Variants in PSD2 observed in about 807,000 individuals in gnomAD.
The protein encoded by PSD2 is PH and SEC7 domain-containing protein 2.
In PSD2, 38 loss-of-function variants were observed where a neutral mutation model predicts 69.8. The observed-to-expected ratio is 0.54, with a 90% confidence interval of 0.42 to 0.71. The LOEUF is 0.71. Among genes scored for constraint, PSD2 ranks in the 30% least tolerant of loss-of-function variants. The pLI is 0.00. For missense variants in PSD2, 943 were observed against 1,014.5 expected (o/e 0.93, Z 0.96); for synonymous variants, 412 against 423.0 (o/e 0.97, Z 0.32).
intron 7 of PSD2, among the ~76,000 whole-genome samples, chr5:139,828,522 C>A (rs1760487314): frequency 6.6e-6 from 1 of 152,104 alleles, no homozygotes; most frequent in Non-Finnish European, 1.5e-5. Flanking sequence ...GGTGACAGAG[C>A]CTCACACAAT....
At position 139,814,238 on chromosome 5, in the gene PSD2, C is replaced by A; in HGVS notation, c.890C>A (p.Pro297His). 1 of 1,613,894 alleles carries A rather than the reference C, an allele frequency of 6.2e-7. No individual in the cohort carries two copies. The highest frequency in any genetic ancestry group is 8.5e-7 in the Non-Finnish European group (1 of 1,179,892). ...SELSSSEGLE[P>H]GSADPLANGC... ...CTCAGCAGCTCGGAGGGGTTGGAGC[C>A]TGGTAGTGCAGACCCTCTGGCCAAC... The change falls in exon 4 of 15, where the codon CCT (proline) becomes CAT (histidine). Residue 297 changes from proline to histidine, a missense_variant. This residue lies in a region of PSD2 where 466 missense variants were observed against 445.0 expected (regional missense o/e 1.05). Coordinates refer to ENST00000274710, the MANE Select transcript of PSD2 (RefSeq NM_032289.4). This position sits in a 1 kb window ranked among gnomAD's most constrained non-coding sequence, Gnocchi z 4.4.
chr5:139,750,344 A>C, the PSD2 span, among the ~76,000 whole-genome samples: 2 of 151,234 alleles, frequency 1.3e-5, no homozygotes, highest in East Asian at 3.9e-4. Context: ...AAAACAAAAC[A>C]AAAAAAAACC....
At chr5:139,810,208 C>T (rs1291247524) in intron 2 of PSD2, among the ~76,000 whole-genome samples, 2 of 152,164 alleles carry the variant, frequency 1.3e-5, no homozygotes, top group Admixed American at 6.5e-5. Flanking sequence ...CCAGGAAAGC[C>T]GGCTTTAGGC....
intron 1 of PSD2, among the ~76,000 whole-genome samples, chr5:139,805,885 A>AT (rs1759792860): frequency 6.6e-6 from 1 of 151,878 alleles, no homozygotes; most frequent in Non-Finnish European, 1.5e-5. Flanking sequence ...AATCTAGGGG[A>AT]GATGGTTAGA....
Position 139,814,078 on chromosome 5 carries a change from T to A in PSD2, c.822-92T>A. The stretch of plus-strand genomic sequence containing the variant: ...TTTCCCTGTTCTGGCCCCTACATGG[T>A]TTGCAGTGGCCTGGGGAAACCTCCC... On this transcript the variant is annotated intron_variant, in intron 3 of 14. Coordinates refer to ENST00000274710, the MANE Select transcript of PSD2 (RefSeq NM_032289.4). The surrounding 1 kb of genome is among the most constrained non-coding windows in gnomAD (Gnocchi z 4.4). The A allele has an allele frequency of 8.1e-7, 1 of 1,237,914 alleles. No homozygotes were observed. The highest frequency in any genetic ancestry group is 1.3e-5 in the South Asian group (1 of 74,828). The allele number at this position is 1,237,914 out of a possible 1,614,324, so 76.7% of individuals were successfully genotyped here.
At chr5:139,767,295 C>A in the PSD2 span, among the ~76,000 whole-genome samples, 1 of 150,530 alleles carries the variant, frequency 6.6e-6, no homozygotes, top group South Asian at 2.1e-4. Context: ...ACCCAGCCAC[C>A]ATCTTTCTTT....
chr5:139,842,468 TACTTAGCTGAC>T lies in PSD2; in HGVS notation c.2312_*6del, dbSNP rs1760897472. The T allele has an allele frequency of 6.2e-7, 1 of 1,612,456 alleles. No individual in the cohort carries two copies. Among genetic ancestry groups the T allele is most frequent in the South Asian group, 1.1e-5 (1 of 91,040 alleles). On this transcript the variant is annotated stop_lost and 3_prime_UTR_variant, in exon 15 of 15. Transcript: ENST00000274710. ...CCACAAAGGATGCCACTGGGCCTGATACTTAGCTGACATGGATTTGCAGACCCCAGGGTGGG... is the reference window on the plus strand; with the variant it reads ...CCACAAAGGATGCCACTGGGCCTGATATGGATTTGCAGACCCCAGGGTGGG...
chr5:139,819,411 C>T (rs1222150452), intron 5 of PSD2, among the ~76,000 whole-genome samples: 3 of 152,174 alleles, frequency 2.0e-5, no homozygotes, highest in African/African-American at 7.2e-5. Flanking sequence ...ACAAAATATC[C>T]CTCTACTTCT....
In PSD2 at chr5:139,820,506, G is replaced by A. The variant is rs1465620796; in HGVS notation, c.1098-1387G>A. ...GCCTTGAGGCACCTCAGAGTGTAAG[G>A]GCTGGCCAAGTCATGGCTTGCAGGT... is the stretch of plus-strand genomic sequence containing the variant. On this transcript the variant is annotated intron_variant, in intron 5 of 14. Transcript: ENST00000274710. 3.9e-5 allele frequency among the ~76,000 whole-genome samples: 6 copies of A among 152,136 alleles called. No homozygotes were observed. In the East Asian group the frequency reaches 1.2e-3, roughly 29 times the overall value.
At chr5:139,766,849 T>C in the PSD2 span, among the ~76,000 whole-genome samples, 38 of 148,648 alleles carry the variant, frequency 2.6e-4, 2 homozygotes, top group East Asian at 8.0e-4. Context: ...CTTTCTTTCT[T>C]TCTTTCTTTC....
At chr5:139,798,939 T>C (rs1759598580) in intron 1 of PSD2, among the ~76,000 whole-genome samples, 1 of 152,194 alleles carries the variant, frequency 6.6e-6, no homozygotes, top group Non-Finnish European at 1.5e-5. Context: ...CTCTTTAGTG[T>C]TTCAATCTGG....
At chr5:139,786,501 T>A in the PSD2 span, among the ~76,000 whole-genome samples, 2 of 152,382 alleles carry the variant, frequency 1.3e-5, no homozygotes, top group African/African-American at 4.8e-5. Flanking sequence ...AGCTGTTTGC[T>A]GTGCAGCAGC....
Position 139,839,755 on chromosome 5 carries a change from T to G in PSD2, c.1969-272T>G, listed in dbSNP as rs1050842752. On this transcript the variant is annotated intron_variant, in intron 13 of 14. Transcript: ENST00000274710. This position sits in a 1 kb window ranked among gnomAD's most constrained non-coding sequence, Gnocchi z 5.1. ...GTCAGGGACTGTCTATGTGCACATA[T>G]AAGTGTGAGCATCTCTTGTCTCCCA... 6.6e-6 allele frequency among the ~76,000 whole-genome samples: 1 copy of G among 152,166 alleles called. No homozygotes were observed. The highest frequency in any genetic ancestry group is 1.5e-5 in the Non-Finnish European group (1 of 68,040).
At chr5:139,800,901 C>A (rs537988848) in intron 1 of PSD2, among the ~76,000 whole-genome samples, 50 of 152,240 alleles carry the variant, frequency 3.3e-4, no homozygotes, top group African/African-American at 1.2e-3. Context: ...GCTGTTATTT[C>A]TTTTATCTTA....
chr5:139,808,215 C>T (rs999090772), intron 1 of PSD2, among the ~76,000 whole-genome samples: 3 of 152,308 alleles, frequency 2.0e-5, no homozygotes, highest in African/African-American at 7.2e-5. Flanking sequence ...TCTGTGTCCC[C>T]ACTGGCAGAG....
the PSD2 span, among the ~76,000 whole-genome samples, chr5:139,766,909 C>CT: frequency 5.0e-3 from 193 of 38,786 alleles, 24 homozygotes; most frequent in Admixed American, 0.014. Flanking sequence ...CTTTCCCTCC[C>CT]TTCCTTCCTT....
In PSD2 at chr5:139,837,234, A is replaced by G. The variant is rs757356151; in HGVS notation, c.1661A>G (p.Gln554Arg). The G allele has an allele frequency of 8.1e-6, 13 of 1,613,776 alleles. No homozygotes were observed. In the African/African-American group the frequency reaches 1.3e-4, roughly 17 times the overall value. ...AVLKGTILYL[Q>R]KDEYRPDKAL... ...CTCAAAGGGACCATCCTGTACCTGC[A>G]GAAGGTGAGAGACTGCCCCAGAGAC... Residue 554 changes from glutamine (Q) to arginine (R), a missense_variant, in exon 11 of 15, where the codon CAG becomes CGG. Physicochemically the swap from Gln to Arg is conservative, Grantham distance 43. Transcript: ENST00000274710. The surrounding 1 kb of genome is among the most constrained non-coding windows in gnomAD (Gnocchi z 5.0).
the PSD2 span, among the ~76,000 whole-genome samples, chr5:139,746,632 G>C: frequency 6.6e-6 from 1 of 152,228 alleles, no homozygotes; most frequent in Non-Finnish European, 1.5e-5. This position sits in a 1 kb window ranked among gnomAD's most constrained non-coding sequence, Gnocchi z 4.5. Context: ...CAGGCCGCGA[G>C]TATAGAGCTT....
chr5:139,834,991 C>T (rs1423970699), intron 8 of PSD2, among the ~76,000 whole-genome samples: 2 of 151,548 alleles, frequency 1.3e-5, no homozygotes, highest in Non-Finnish European at 2.9e-5. Flanking sequence ...GCATAGCAAC[C>T]ACTCACCCAT....
Sources: allele counts gnomAD v4.1 joint callset (sites outside exome capture counted in the v4.1 genomes callset), GRCh38; gene constraint gnomAD v4.1.1; regional missense constraint gnomAD v4.1.1; non-coding constraint Gnocchi (gnomAD v3.1); transcripts MANE v1.5; gene names NCBI Gene and HGNC (gene_info 2026-07-23, HGNC 2026-07-21).